DMBT1: variants seen among roughly 807,000 people sequenced by gnomAD.
DMBT1 encodes the protein deleted in malignant brain tumors 1.
DMBT1 carries 198 observed loss-of-function variants against 252.9 expected under a neutral mutation model. That is an observed-to-expected ratio of 0.78 (90% CI 0.70 to 0.88). The LOEUF (loss-of-function observed/expected upper bound fraction) is 0.88, where lower values mean the gene tolerates loss of function less well. DMBT1 is among the 40% of genes least tolerant of loss of function. The pLI is 0.00. For synonymous variants in DMBT1, 990 were observed against 942.7 expected (o/e 1.05, Z -0.92); for missense variants, 2,432 against 2,404.7 (o/e 1.01, Z -0.24).
At chr10:122,634,459 TCTCTC>T (rs2098207307) in intron 52 of DMBT1, among the ~76,000 whole-genome samples, 5 of 102,860 alleles carry the variant, frequency 4.9e-5, no homozygotes, top group African/African-American at 1.9e-4. Context: ...TCTCTCTCTC[TCTCTC>T]TCTCTCTCTC....
intron 1 of DMBT1, among the ~76,000 whole-genome samples, chr10:122,563,059 A>G (rs935905505): frequency 2.0e-5 from 3 of 152,200 alleles, no homozygotes; most frequent in Admixed American, 6.5e-5. Flanking sequence ...CAGTGCTTGG[A>G]GCCTGACCAC....
At chr10:122,569,357 G>C (rs904711521) in intron 2 of DMBT1, among the ~76,000 whole-genome samples, 2 of 152,084 alleles carry the variant, frequency 1.3e-5, no homozygotes, top group African/African-American at 2.4e-5. Flanking sequence ...TCTTTATTTG[G>C]AATTAAATGA....
intron 51 of DMBT1, 128 bp from the exon 52 acceptor site, chr10:122,633,063 C>T: frequency 6.7e-7 from 1 of 1,495,224 alleles, no homozygotes; most frequent in Non-Finnish European, 9.0e-7. Flanking sequence ...ACCTCTTGCT[C>T]TTACTTGGTT....
At chr10:122,567,661 TC>T (rs1227279706) in intron 2 of DMBT1, among the ~76,000 whole-genome samples, 1 of 152,158 alleles carries the variant, frequency 6.6e-6, no homozygotes, top group African/African-American at 2.4e-5. Context: ...GTACCTATTT[TC>T]CTCACACCAT....
At chr10:122,599,304 C>A (rs924177516) in intron 26 of DMBT1, among the ~76,000 whole-genome samples, 11 of 152,174 alleles carry the variant, frequency 7.2e-5, no homozygotes, top group African/African-American at 2.7e-4. Flanking sequence ...ACTCAAACAA[C>A]CCAGAGTTTT....
At chr10:122,625,440 T>C (rs1158446449) in intron 45 of DMBT1, 137 bp downstream of exon 45, 5 of 871,070 alleles carry the variant, frequency 5.7e-6, no homozygotes, top group Non-Finnish European at 5.6e-6. Flanking sequence ...TTTGTTAGGG[T>C]GACGAGCTGA....
At chr10:122,628,731 A>G (rs1242773937) in intron 46 of DMBT1, among the ~76,000 whole-genome samples, 1 of 152,214 alleles carries the variant, frequency 6.6e-6, no homozygotes, top group Non-Finnish European at 1.5e-5. Context: ...CAAAAAAACT[A>G]CCATATTGTA....
At chr10:122,597,826 T>C in intron 24 of DMBT1, 148 bp from the exon 25 acceptor site, 1 of 1,189,598 alleles carries the variant, frequency 8.4e-7, no homozygotes, top group Non-Finnish European at 1.2e-6. Flanking sequence ...CTTGCTGAGC[T>C]GCAGACTTGG....
intron 10 of DMBT1, 31 bp downstream of exon 10, chr10:122,579,932 T>C (rs1185893421): frequency 2.5e-6 from 4 of 1,613,650 alleles, no homozygotes; most frequent in Middle Eastern, 1.7e-4. Flanking sequence ...GCTCACTCTC[T>C]TGGGGTGGAG....
rs751802313 is a variant in DMBT1 at position 122,576,558 on chromosome 10, C to A, written c.443C>A (p.Ala148Asp). Residue 148 changes from alanine (A) to aspartate (D), a missense_variant, in exon 7 of 56, where the codon GCC becomes GAC. Coordinates refer to ENST00000338354, the MANE Select transcript of DMBT1 (RefSeq NM_001377530.1). ...VVCRQLGCGWAMSAPGNAWFG... is the reference protein window; with the variant it reads ...VVCRQLGCGWDMSAPGNAWFG... ...TGTAGGCAGCTGGGTTGTGGCTGGG[C>A]CATGTCAGCTCCAGGAAATGCCTGG... 2.5e-6 allele frequency: 4 copies of A among 1,613,826 alleles called. No individual in the cohort carries two copies.
chr10:122,617,980 G>C, intron 40 of DMBT1, 37 bp from the exon 41 acceptor site: 3 of 1,596,804 alleles, frequency 1.9e-6, no homozygotes, highest in Non-Finnish European at 2.5e-6. Context: ...TGACCTCCTG[G>C]TGGGGATGGA....
intron 18 of DMBT1, among the ~76,000 whole-genome samples, chr10:122,591,128 G>A (rs2097846247): frequency 6.7e-6 from 1 of 148,660 alleles, no homozygotes. Context: ...ACTCCCTTAG[G>A]CAGCTCCCTG....
Position 122,643,143 on chromosome 10 carries a change from C to T in DMBT1, c.7374C>T (p.Tyr2458=), listed in dbSNP as rs758292659. 3.7e-6 allele frequency: 6 copies of T among 1,613,934 alleles called. No individual in the cohort carries two copies. Among genetic ancestry groups the T allele is most frequent in the Non-Finnish European group, 5.1e-6 (6 of 1,179,868 alleles). The change falls in exon 56 of 56, where the codon TAC becomes TAT. Residue 2458 remains tyrosine, a synonymous_variant. Transcript: ENST00000338354. ...IRSGCVRDDT[Y]GPYSSPSLRI... is the part of the protein sequence containing the mutation. ...CCAGATGCGTGAGGGATGACACCTA[C>T]GGACCCTACTCCTCGCCATCTCTTC...
chr10:122,565,026 C>T (rs1377420714), intron 1 of DMBT1, among the ~76,000 whole-genome samples: 1 of 93,016 alleles, frequency 1.1e-5, no homozygotes, highest in Non-Finnish European at 2.4e-5. Flanking sequence ...AAGAAAGTGT[C>T]TCCAATCTTA....
In DMBT1 at chr10:122,600,661, T is replaced by C. The variant is rs368833728; in HGVS notation, c.3311-330T>C. 6.5e-3 allele frequency among the ~76,000 whole-genome samples: 997 copies of C among 152,282 alleles called. 28 individuals carry two copies. Among genetic ancestry groups the C allele is most frequent in the Admixed American group, 0.053 (805 of 15,292 alleles). ...AGCCCCTGGTTCCCCTAACATTTTA[T>C]CTGCCAGTGTCCGAGCCTCAGCAAT... On this transcript the variant is annotated intron_variant, in intron 27 of 55. Coordinates refer to ENST00000338354, the MANE Select transcript of DMBT1 (RefSeq NM_001377530.1).
rs760896399 is a variant in DMBT1, at chr10:122,643,208, A to T, written c.7439A>T (p.Asn2480Ile). ...RFRFRAFHFL[N>I]RFPSVYLRCK... ...CGGTTCAGGGCCTTCCACTTCCTGA[A>T]CCGCTTCCCCTCCGTGTACCTGCGT... Residue 2480 changes from asparagine (N) to isoleucine (I), a missense_variant, in exon 56 of 56, where the codon AAC becomes ATC. Around this residue, in one of 3 missense-constraint regions of DMBT1, gnomAD observed 1,162 missense variants for 1,169.0 expected, o/e 0.99. Transcript: ENST00000338354. 2 of 1,613,310 alleles carry T rather than the reference A, an allele frequency of 1.2e-6. No homozygotes were observed. Among genetic ancestry groups the T allele is most frequent in the East Asian group, 4.5e-5 (2 of 44,870 alleles).
intron 54 of DMBT1, among the ~76,000 whole-genome samples, chr10:122,639,314 G>A (rs899446061): frequency 1.3e-5 from 2 of 152,174 alleles, no homozygotes; most frequent in African/African-American, 4.8e-5. Flanking sequence ...TGTCATGTGC[G>A]TCCATGTGAA....
At chr10:122,560,955 T>C in intron 1 of DMBT1, 124 bp downstream of exon 1, 1 of 615,694 alleles carries the variant, frequency 1.6e-6, no homozygotes, top group South Asian at 2.9e-5. Context: ...ACTTTGCTGA[T>C]AATTGTAATT....
chr10:122,598,766 C>T lies in DMBT1; in HGVS notation c.2957-8C>T. The T allele has an allele frequency of 6.2e-7, 1 of 1,612,810 alleles. No homozygotes were observed. The highest frequency in any genetic ancestry group is 8.5e-7 in the Non-Finnish European group (1 of 1,179,718). On this transcript the variant is annotated splice_polypyrimidine_tract_variant and splice_region_variant and intron_variant, in intron 25 of 55. Coordinates refer to ENST00000338354, the MANE Select transcript of DMBT1 (RefSeq NM_001377530.1). ...GGATGGATGAAGGATTCTTGTGTTC[C>T]CCTGTAGGATCTGAATCCAGTTTGG...
Sources: gnomAD v4.1 joint callset for allele counts (sites outside exome capture counted in the v4.1 genomes callset) on GRCh38, gnomAD v4.1.1 for gene constraint, gnomAD v4.1.1 regional missense constraint, MANE v1.5 for transcripts, NCBI Gene and HGNC (gene_info 2026-07-23, HGNC 2026-07-21) for gene names.